Variants in DTNA observed in about 807,000 individuals in gnomAD.
The protein encoded by DTNA is dystrophin-related protein 3.
A neutral mutation model predicts 100.7 loss-of-function variants in DTNA; 43 were observed. The ratio of observed to expected loss-of-function variants is 0.43; its 90% CI spans 0.33 to 0.55. DTNA has a LOEUF of 0.55. Ranked by LOEUF, DTNA falls within the 20% of genes least tolerant of loss-of-function variation. The pLI, the probability that DTNA is intolerant of heterozygous loss-of-function variation, is 0.04. For missense variants in DTNA, 798 were observed against 953.9 expected, an observed-to-expected ratio of 0.84 and a Z score of 2.15; for synonymous variants, 349 against 347.9, an observed-to-expected ratio of 1.00 and a Z score of -0.04.
At chr18:34,869,846 C>A (rs978826534) in intron 17 of DTNA, among the ~76,000 whole-genome samples, 1 of 152,100 alleles carries the variant, frequency 6.6e-6, no homozygotes, top group African/African-American at 2.4e-5. Context: ...ACGGTGAAAC[C>A]CTGTCTCTAC....
chr18:34,712,558 T>C (rs1481211976), intron 1 of DTNA, among the ~76,000 whole-genome samples: 1 of 152,170 alleles, frequency 6.6e-6, no homozygotes. Context: ...ACTTCTGAAA[T>C]AATTTTAACA....
In DTNA at chr18:34,863,783, C is replaced by A. The variant is rs1051697493; in HGVS notation, c.1647-183C>A. Among the ~76,000 whole-genome samples, 2 of 152,194 alleles carry A rather than the reference C, an allele frequency of 1.3e-5. 1 individual carries two copies. The highest frequency in any genetic ancestry group is 4.8e-5 in the African/African-American group (2 of 41,450). On this transcript the variant is annotated intron_variant, in intron 16 of 22. Coordinates refer to ENST00000444659, the MANE Select transcript of DTNA (RefSeq NM_001386795.1). Reference sequence around the variant, plus strand: ...CTTTAATTCTGATGTAGTATGACTGCTAACAAAAGAAACACTTCCAGCTGT... The same window carrying A: ...CTTTAATTCTGATGTAGTATGACTGATAACAAAAGAAACACTTCCAGCTGT...
At chr18:34,517,490 T>TGTGTGTGTGTG (rs1394716472) in intron 1 of DTNA, among the ~76,000 whole-genome samples, 1 of 152,000 alleles carries the variant, frequency 6.6e-6, no homozygotes, top group African/African-American at 2.4e-5. Context: ...TGTGTGTGTA[T>TGTGTGTGTGTG]TTAGGTACAT....
intron 1 of DTNA, among the ~76,000 whole-genome samples, chr18:34,648,427 C>T (rs1461024572): frequency 1.3e-5 from 2 of 152,068 alleles, no homozygotes; most frequent in Non-Finnish European, 2.9e-5. Context: ...GGAAATCATC[C>T]AAATAGGATA....
At chr18:34,881,986 C>T (rs1002312215) in intron 20 of DTNA, 83 bp from the exon 21 acceptor site, 62 of 1,597,294 alleles carry the variant, frequency 3.9e-5, no homozygotes, top group South Asian at 2.7e-4. Flanking sequence ...AAGGTGCCAA[C>T]GAAACTACAG....
At chr18:34,682,779 T>C (rs2078308236) in intron 1 of DTNA, among the ~76,000 whole-genome samples, 1 of 152,140 alleles carries the variant, frequency 6.6e-6, no homozygotes, top group African/African-American at 2.4e-5. Context: ...CTTTTGAAAA[T>C]AATTTCTCTT....
chr18:34,710,633 G>C (rs927875698), intron 1 of DTNA, among the ~76,000 whole-genome samples, 188 bp downstream of exon 1: 1 of 151,396 alleles, frequency 6.6e-6, no homozygotes, highest in Non-Finnish European at 1.5e-5. Context: ...AGTCTAAGAT[G>C]TTGTGAAATG....
At chr18:34,753,366 AT>A (rs757853063) in intron 1 of DTNA, among the ~76,000 whole-genome samples, 1 of 133,150 alleles carries the variant, frequency 7.5e-6, no homozygotes, top group African/African-American at 3.2e-5. Context: ...TATTTATTTT[AT>A]TTTTTTTTTT....
intron 1 of DTNA, among the ~76,000 whole-genome samples, chr18:34,601,273 A>G (rs2051760381): frequency 6.6e-6 from 1 of 152,212 alleles, no homozygotes; most frequent in Non-Finnish European, 1.5e-5. Flanking sequence ...TGATTTATGC[A>G]GAAATTTTTA....
intron 1 of DTNA, among the ~76,000 whole-genome samples, chr18:34,732,185 T>C (rs2088428438): frequency 6.6e-6 from 1 of 152,248 alleles, no homozygotes; most frequent in Admixed American, 6.5e-5. Flanking sequence ...ATAATTTATT[T>C]GAAGTAGTTT....
chr18:34,875,330 C>T lies in DTNA; in HGVS notation c.1835C>T (p.Thr612Ile), dbSNP rs2096804221. 1 of 1,614,228 alleles carries T rather than the reference C, an allele frequency of 6.2e-7. No individual in the cohort carries two copies. Among genetic ancestry groups the T allele is most frequent in the Non-Finnish European group, 8.5e-7 (1 of 1,180,042 alleles). The change falls in exon 18 of 23, where the codon ACC becomes ATC. Residue 612 changes from threonine (T) to isoleucine (I), a missense_variant. By Grantham distance (89) the Thr-to-Ile change is moderately conservative. Coordinates refer to ENST00000444659, the MANE Select transcript of DTNA (RefSeq NM_001386795.1). ...ATCCGGTCAGCGTCAGCCTGCTCCACCCCGACGCACACGCCGCAGGACTCC... is the reference window on the plus strand; with the variant it reads ...ATCCGGTCAGCGTCAGCCTGCTCCATCCCGACGCACACGCCGCAGGACTCC... Reference protein sequence around the residue: ...MPIRSASACSTPTHTPQDSLT... With the variant: ...MPIRSASACSIPTHTPQDSLT...
At chr18:34,765,104 A>G (rs2093401535) in intron 2 of DTNA, among the ~76,000 whole-genome samples, 1 of 152,192 alleles carries the variant, frequency 6.6e-6, no homozygotes, top group African/African-American at 2.4e-5. Context: ...TTAGGCAAGT[A>G]AGCTGGAAAG....
chr18:34,866,372 G>A (rs999725890), intron 17 of DTNA: 1 of 1,396,214 alleles, frequency 7.2e-7, no homozygotes, highest in African/African-American at 1.5e-5. Context: ...TTAGAAAAGG[G>A]AACGAATTGT....
chr18:34,809,376 G>A (rs2095435570), intron 5 of DTNA, among the ~76,000 whole-genome samples: 2 of 152,132 alleles, frequency 1.3e-5, no homozygotes. Context: ...AGAATCACTT[G>A]AACCCAGGAG....
intron 1 of DTNA, among the ~76,000 whole-genome samples, chr18:34,535,623 TA>T (rs1189762227): frequency 2.0e-5 from 3 of 152,148 alleles, no homozygotes; most frequent in Non-Finnish European, 4.4e-5. Context: ...TGTATGGTTT[TA>T]GGATTTATGT....
At position 34,766,099 on chromosome 18, in the gene DTNA, G is replaced by A. The variant is rs149259430; in HGVS notation, c.148+58G>A. 64 of 1,568,266 alleles carry A rather than the reference G, an allele frequency of 4.1e-5. No homozygotes were observed. In the African/African-American group the frequency reaches 7.7e-4, roughly 19 times the overall value. On this transcript the variant is annotated intron_variant, in intron 3 of 22. Transcript: ENST00000444659. The stretch of plus-strand genomic sequence containing the variant: ...TCATGAATCCTATAGTTTACATTTG[G>A]TACTAAGTTTATTAAACTAGATTCT...
chr18:34,510,622 CTT>C (rs1027138316), intron 1 of DTNA, among the ~76,000 whole-genome samples: 136 of 92,810 alleles, frequency 1.5e-3, no homozygotes, highest in South Asian at 3.6e-3. Flanking sequence ...ACTGGCCATT[CTT>C]TTTTTTTTTT....
chr18:34,820,948 A>G (rs779300732), intron 9 of DTNA, 33 bp downstream of exon 9: 1 of 1,613,474 alleles, frequency 6.2e-7, no homozygotes, highest in Non-Finnish European at 8.5e-7. Context: ...TATAGAGACA[A>G]TTTTCTTCAA....
intron 1 of DTNA, among the ~76,000 whole-genome samples, chr18:34,518,883 G>C (rs556115643): frequency 6.6e-6 from 1 of 152,046 alleles, no homozygotes; most frequent in African/African-American, 2.4e-5. Flanking sequence ...TTAAAATATA[G>C]AATAATGCAC....
Sources: allele counts gnomAD v4.1 joint callset (sites outside exome capture counted in the v4.1 genomes callset), GRCh38; gene constraint gnomAD v4.1.1; transcripts MANE v1.5; gene names NCBI Gene and HGNC (gene_info 2026-07-23, HGNC 2026-07-21).